The following USP7 variants were observed in gnomAD, a reference collection of about 807,000 sequenced individuals.
USP7 encodes ubiquitin specific peptidase 7.
Under a neutral mutation model 162.9 loss-of-function variants are expected in USP7, and 9 were observed. That is an observed-to-expected ratio of 0.06 (90% CI 0.03 to 0.10). The LOEUF (loss-of-function observed/expected upper bound fraction) is 0.10, where lower values mean the gene tolerates loss of function less well. USP7 is among the 10% of genes least tolerant of loss of function. USP7 has a pLI of 1.00. For synonymous variants in USP7, 562 were observed against 475.9 expected, an observed-to-expected ratio of 1.18 and a Z score of -2.35; for missense variants, 715 against 1,373.7, an observed-to-expected ratio of 0.52 and a Z score of 7.58.
intron 12 of USP7, among the ~76,000 whole-genome samples, 187 bp from the exon 13 acceptor site, chr16:8,906,769 T>C (rs1229874780): frequency 6.6e-6 from 1 of 152,204 alleles, no homozygotes; most frequent in Non-Finnish European, 1.5e-5. Context: ...CTAGTCAACA[T>C]AAATATACAC....
In USP7 at chr16:8,902,382, G is replaced by C. The variant is rs759156719; in HGVS notation, c.1940C>G (p.Thr647Arg). ...AGATACGCTATTAACAATATTTACT[G>C]TTTTATTGCCGTCGGCTTCATTATC... ...MLDNEADGNK[T>R]MIELSDNENP... The change falls in exon 17 of 31, where the codon ACA (threonine) becomes AGA (arginine). Residue 647 changes from threonine to arginine, a missense_variant and splice_region_variant. Transcript: ENST00000344836. The C allele has an allele frequency of 6.2e-7, 1 of 1,613,550 alleles. No individual in the cohort carries two copies. Among genetic ancestry groups the C allele is most frequent in the African/African-American group, 1.3e-5 (1 of 74,872 alleles).
chr16:8,904,864 T>C (rs2061835021), intron 14 of USP7, among the ~76,000 whole-genome samples: 1 of 151,912 alleles, frequency 6.6e-6, no homozygotes, highest in African/African-American at 2.4e-5. Context: ...CCCAGCTACT[T>C]GGGAGGCTGA....
At chr16:8,942,562 T>A (rs1434622433) in intron 1 of USP7, among the ~76,000 whole-genome samples, 2 of 152,214 alleles carry the variant, frequency 1.3e-5, no homozygotes, top group Non-Finnish European at 2.9e-5. Context: ...GCTTATTTAT[T>A]TTTGAGACAG....
intron 1 of USP7, among the ~76,000 whole-genome samples, chr16:8,940,969 C>A (rs7342770): frequency 0.21 from 32,180 of 152,114 alleles, 3,555 homozygotes; most frequent in Middle Eastern, 0.32. Context: ...AATAGCAGGA[C>A]AGAATTCTCT....
Position 8,892,243 on chromosome 16 carries a change from T to A in USP7, c.*1755A>T, listed in dbSNP as rs1202700942. 3.3e-5 allele frequency: 5 copies of A among 152,302 alleles called. No individual in the cohort carries two copies. The highest frequency in any genetic ancestry group is 9.6e-5 in the African/African-American group (4 of 41,456). 9.4% of individuals were successfully genotyped at this position (152,302 alleles called of 1,614,324 possible). ...CCACAGCGAACGGCTCTCGCACCCCTGCTCTAACTCCTCTTTCTGGGGGAG... is the reference window on the plus strand; with the variant it reads ...CCACAGCGAACGGCTCTCGCACCCCAGCTCTAACTCCTCTTTCTGGGGGAG... On this transcript the variant is annotated 3_prime_UTR_variant, in exon 31 of 31. Coordinates refer to ENST00000344836, the MANE Select transcript of USP7 (RefSeq NM_003470.3).
chr16:8,899,513 C>A lies in USP7; in HGVS notation c.2463+91G>T, dbSNP rs956245147. On this transcript the variant is annotated intron_variant, in intron 22 of 30. Transcript: ENST00000344836. ...GGGCATAGCCCCTTCTGAACCAAAACCATGAGATAGCTTCTTCAACAAGCA... is the reference window on the plus strand; with the variant it reads ...GGGCATAGCCCCTTCTGAACCAAAAACATGAGATAGCTTCTTCAACAAGCA... 1.0e-5 allele frequency: 16 copies of A among 1,526,296 alleles called. No homozygotes were observed. The African/African-American group carries it at 1.7e-4, about 16-fold the overall frequency. 94.5% of individuals were successfully genotyped at this position (1,526,296 alleles called of 1,614,324 possible).
chr16:8,896,091 G>A lies in USP7; in HGVS notation c.2820-350C>T, dbSNP rs192224443. On this transcript the variant is annotated intron_variant, in intron 26 of 30. Coordinates refer to ENST00000344836, the MANE Select transcript of USP7 (RefSeq NM_003470.3). ...CCTGACCTCGTGATCCGCCCGCCTC[G>A]GCCTCCCGAAGTGCTGGGATTATAG... 5.3e-5 allele frequency among the ~76,000 whole-genome samples: 8 copies of A among 151,268 alleles called. No individual in the cohort carries two copies. In the East Asian group the frequency reaches 1.4e-3, roughly 26 times the overall value.
chr16:8,897,908 C>G (rs2061714412), intron 25 of USP7, among the ~76,000 whole-genome samples: 2 of 150,576 alleles, frequency 1.3e-5, no homozygotes, highest in Non-Finnish European at 3.0e-5. Flanking sequence ...CGAAAAAGAA[C>G]CACCTAAAAT....
intron 3 of USP7, among the ~76,000 whole-genome samples, chr16:8,921,966 G>A (rs1188703777): frequency 6.6e-6 from 1 of 152,234 alleles, no homozygotes; most frequent in Non-Finnish European, 1.5e-5. Context: ...TTCAGGACAA[G>A]GGTAGGACAG....
rs2061644392 is a variant in USP7, at chr16:8,894,046, C to T, written c.3261G>A (p.Lys1087=). Residue 1087 remains lysine, a synonymous_variant, in exon 31 of 31, where the codon AAG becomes AAA. Transcript: ENST00000344836. The stretch of plus-strand genomic sequence containing the variant: ...TTTCAAGGTAAGTGTAGCGACTCCT[C>T]TTTGGGGCTTTGTTGAAGTGGTCGA... ...LGLDHFNKAP[K]RSRYTYLEKA... The T allele has an allele frequency of 3.1e-6, 5 of 1,614,220 alleles. No homozygotes were observed. Among genetic ancestry groups the T allele is most frequent in the Non-Finnish European group, 4.2e-6 (5 of 1,180,054 alleles).
intron 13 of USP7, 68 bp downstream of exon 13, chr16:8,906,358 C>A (rs142678397): frequency 6.5e-7 from 1 of 1,547,816 alleles, no homozygotes; most frequent in South Asian, 1.2e-5. Context: ...GGAACCAGAA[C>A]AGGCTGAAGC....
At chr16:8,932,020 A>G (rs990612803) in intron 1 of USP7, among the ~76,000 whole-genome samples, 3 of 152,086 alleles carry the variant, frequency 2.0e-5, no homozygotes, top group Non-Finnish European at 4.4e-5. Context: ...CCGAACCAGC[A>G]AGCAATCTGA....
chr16:8,895,529 A>T, intron 27 of USP7, 113 bp downstream of exon 27: 2 of 920,000 alleles, frequency 2.2e-6, no homozygotes, highest in Non-Finnish European at 3.4e-6. Flanking sequence ...TACCTCGATT[A>T]CTGGTATAAA....
chr16:8,894,530 G>T lies in USP7; in HGVS notation c.3202+20C>A, dbSNP rs530879035. On this transcript the variant is annotated intron_variant, in intron 30 of 30. Coordinates refer to ENST00000344836, the MANE Select transcript of USP7 (RefSeq NM_003470.3). ...TAGTCTGAAACCCACACCAGCCCCCGGGGGGGGGAGAACCCTTACCGGGCT... is the reference window on the plus strand; with the variant it reads ...TAGTCTGAAACCCACACCAGCCCCCTGGGGGGGGAGAACCCTTACCGGGCT... 4 of 524,266 alleles carry T rather than the reference G, an allele frequency of 7.6e-6. No individual in the cohort carries two copies. The highest frequency in any genetic ancestry group is 7.4e-5 in the African/African-American group (2 of 26,978). The allele number at this position is 524,266 out of a possible 1,614,324, so 32.5% of individuals were successfully genotyped here. A position where few individuals can be genotyped will look rare whatever the true frequency, so the allele number is the denominator to read the frequency against.
chr16:8,961,892 C>A (rs958740844), intron 1 of USP7, among the ~76,000 whole-genome samples: 10 of 152,190 alleles, frequency 6.6e-5, no homozygotes, highest in Non-Finnish European at 1.0e-4. Context: ...CAGTCCTTGG[C>A]GTGGACTCCG....
intron 1 of USP7, among the ~76,000 whole-genome samples, chr16:8,952,982 G>C (rs1249552888): frequency 2.6e-5 from 4 of 152,148 alleles, no homozygotes; most frequent in Non-Finnish European, 5.9e-5. Context: ...GATTACAGTC[G>C]CGTGTCACCA....
chr16:8,901,784 C>A (rs1463648817), intron 18 of USP7: 4 of 379,586 alleles, frequency 1.1e-5, no homozygotes, highest in African/African-American at 2.1e-5. Flanking sequence ...CCCTGACAGA[C>A]AACGTTTGCA....
chr16:8,908,706 G>A (rs1016175742), intron 11 of USP7, among the ~76,000 whole-genome samples: 2 of 152,198 alleles, frequency 1.3e-5, no homozygotes, highest in Admixed American at 6.5e-5. Context: ...ATTCTAACTC[G>A]ATGCCCAGCA....
In USP7 at chr16:8,902,137, T is replaced by A. The variant is rs2061784939; in HGVS notation, c.1992A>T (p.Thr664=). The part of the protein sequence containing the change: ...NENPWTIFLE[T]VDPELAASGA... ...CACTAGCAGCCAGCTCGGGATCAAC[T>A]GTTTCCAGGAATATTGTCCAAGGGT... The change falls in exon 18 of 31, where the codon ACA becomes ACT. Residue 664 remains threonine (T), a synonymous_variant. Coordinates refer to ENST00000344836, the MANE Select transcript of USP7 (RefSeq NM_003470.3). 1.9e-6 allele frequency: 3 copies of A among 1,614,130 alleles called. No homozygotes were observed. The highest frequency in any genetic ancestry group is 2.5e-6 in the Non-Finnish European group (3 of 1,180,064).
Sources: gnomAD v4.1 joint callset for allele counts (sites outside exome capture counted in the v4.1 genomes callset) on GRCh38, gnomAD v4.1.1 for gene constraint, MANE v1.5 for transcripts, NCBI Gene and HGNC (gene_info 2026-07-23, HGNC 2026-07-21) for gene names.